Variants in SOX6 observed in about 807,000 individuals in gnomAD.
SOX6 encodes the protein SRY-box transcription factor 6.
A neutral mutation model predicts 97.8 loss-of-function variants in SOX6; 11 were observed. The ratio of observed to expected loss-of-function variants is 0.11; its 90% CI spans 0.07 to 0.19. The LOEUF (loss-of-function observed/expected upper bound fraction) is 0.19, where lower values mean the gene tolerates loss of function less well. Ranked by LOEUF, SOX6 falls within the 10% of genes least tolerant of loss-of-function variation. The pLI, the probability that SOX6 is intolerant of heterozygous loss-of-function variation, is 1.00. For synonymous variants in SOX6, 360 were observed against 371.4 expected (o/e 0.97, Z 0.35); for missense variants, 810 against 1,039.5 (o/e 0.78, Z 3.04).
chr11:16,442,495 T>A (rs1461266540), intron 1 of SOX6, among the ~76,000 whole-genome samples: 1 of 152,128 alleles, frequency 6.6e-6, no homozygotes, highest in Non-Finnish European at 1.5e-5. Flanking sequence ...TGACATGCAT[T>A]CACATATTTT....
chr11:16,368,881 A>T (rs1857428979), intron 1 of SOX6, among the ~76,000 whole-genome samples: 1 of 152,180 alleles, frequency 6.6e-6, no homozygotes, highest in Non-Finnish European at 1.5e-5. Context: ...ACAACTCAAC[A>T]ACATCAAAAA....
chr11:16,379,674 G>T (rs1466149050), intron 1 of SOX6, among the ~76,000 whole-genome samples: 1 of 151,994 alleles, frequency 6.6e-6, no homozygotes, highest in African/African-American at 2.4e-5. Flanking sequence ...CAACTTTCCT[G>T]GGGGGCATTT....
intron 1 of SOX6, among the ~76,000 whole-genome samples, chr11:16,368,625 A>C (rs934461799): frequency 6.6e-6 from 1 of 152,186 alleles, no homozygotes; most frequent in Non-Finnish European, 1.5e-5. Context: ...TGAATCAAAA[A>C]CAAAAGCTAA....
intron 6 of SOX6, among the ~76,000 whole-genome samples, chr11:16,166,081 G>A (rs1257947229): frequency 2.6e-5 from 4 of 151,988 alleles, no homozygotes; most frequent in Non-Finnish European, 5.9e-5. Context: ...TGAAACTGTA[G>A]TATAAATGTA....
At chr11:16,633,105 G>A (rs1848735885) in intron 3 of SOX6, among the ~76,000 whole-genome samples, 1 of 152,196 alleles carries the variant, frequency 6.6e-6, no homozygotes, top group African/African-American at 2.4e-5. Flanking sequence ...GCTGAACCAG[G>A]AGAACAGGTG....
At chr11:16,680,987 T>TA (rs982125433) in intron 3 of SOX6, among the ~76,000 whole-genome samples, 4 of 152,124 alleles carry the variant, frequency 2.6e-5, no homozygotes, top group African/African-American at 9.7e-5. Context: ...CAAACAGACT[T>TA]AGACTCCCAC....
intron 3 of SOX6, among the ~76,000 whole-genome samples, chr11:16,289,005 A>G (rs1310847984): frequency 6.6e-6 from 1 of 151,984 alleles, no homozygotes; most frequent in East Asian, 1.9e-4. Context: ...AGATAAAATA[A>G]TATAATGAAT....
At position 16,382,747 on chromosome 11, in the gene SOX6, A is replaced by G. The variant is rs1857862496; in HGVS notation, c.-4-41495T>C. Reference sequence around the variant, plus strand: ...CAATTTTAGGTGTTTTTGTGCTTAGATCTAAGAAATGGACCTAAAATGAAG... The same window carrying G: ...CAATTTTAGGTGTTTTTGTGCTTAGGTCTAAGAAATGGACCTAAAATGAAG... On this transcript the variant is annotated intron_variant, in intron 1 of 15. Coordinates refer to the SOX6 transcript ENST00000396356. 3.3e-5 allele frequency among the ~76,000 whole-genome samples: 5 copies of G among 151,860 alleles called. No homozygotes were observed. The South Asian group carries it at 1.0e-3, about 31-fold the overall frequency.
In SOX6 at chr11:16,214,653, T is replaced by G. The variant is rs189816375; in HGVS notation, c.535+19929A>C. On this transcript the variant is annotated intron_variant, in intron 4 of 15. Transcript: ENST00000683767. ...CCATATTCACATCCCCATTCATGAC[T>G]TTAGCCATACCTAAAGTATCTGTCT... is the stretch of plus-strand genomic sequence containing the variant. 3.3e-4 allele frequency among the ~76,000 whole-genome samples: 50 copies of G among 152,260 alleles called. 1 individual carries two copies. In the East Asian group the frequency reaches 9.1e-3, roughly 28 times the overall value.
chr11:16,690,582 C>T (rs892282439), intron 3 of SOX6, among the ~76,000 whole-genome samples: 1 of 152,128 alleles, frequency 6.6e-6, no homozygotes, highest in African/African-American at 2.4e-5. Flanking sequence ...CAAAATAGTA[C>T]CCCACTATAT....
At chr11:16,574,117 T>C (rs777258025) in intron 4 of SOX6, among the ~76,000 whole-genome samples, 16 of 152,166 alleles carry the variant, frequency 1.1e-4, no homozygotes, top group Non-Finnish European at 2.2e-4. Context: ...GGTTTTTTCA[T>C]GTGTGTGGAA....
intron 4 of SOX6, among the ~76,000 whole-genome samples, chr11:16,214,465 C>T (rs1404236439): frequency 1.3e-5 from 2 of 152,140 alleles, no homozygotes. Context: ...TTATCTAATG[C>T]ACAGGTGCTT....
rs34023402 is a variant in SOX6 at position 16,196,830 on chromosome 11, C to CT, written c.536-9876dup. Among the ~76,000 whole-genome samples the CT allele has an allele frequency of 6.3e-4, 40 of 63,482 alleles. 1 individual carries two copies. The highest frequency in any genetic ancestry group is 2.2e-3 in the African/African-American group (27 of 12,512). 41.6% of individuals were successfully genotyped at this position (63,482 alleles called of 152,430 possible). On this transcript the variant is annotated intron_variant, in intron 4 of 15. Transcript: ENST00000683767. ...GGTCCTCTGTCTTCTTCTTCTTCTT[C>CT]TTTTTTTTTTTTTTTTTTTTTGAGA...
chr11:16,696,246 T>C (rs1420421704), intron 3 of SOX6, among the ~76,000 whole-genome samples: 1 of 152,226 alleles, frequency 6.6e-6, no homozygotes, highest in African/African-American at 2.4e-5. Context: ...GATTTTCCTT[T>C]TCACTCTTAA....
intron 1 of SOX6, among the ~76,000 whole-genome samples, chr11:16,400,301 G>A (rs1858518247): frequency 6.6e-6 from 1 of 151,442 alleles, no homozygotes; most frequent in Non-Finnish European, 1.5e-5. Context: ...TTAGCAGGTT[G>A]CAATTTTAAA....
chr11:16,110,621 C>T (rs1232720549), intron 7 of SOX6, among the ~76,000 whole-genome samples: 1 of 152,118 alleles, frequency 6.6e-6, no homozygotes, highest in African/African-American at 2.4e-5. Flanking sequence ...CCCTTAAACT[C>T]ACCAATCTCA....
At chr11:15,998,685 G>A (rs1055490297) in intron 13 of SOX6, among the ~76,000 whole-genome samples, 3 of 152,110 alleles carry the variant, frequency 2.0e-5, no homozygotes, top group Non-Finnish European at 2.9e-5. Flanking sequence ...AGTGGAAAAC[G>A]ATAGTTTTTT....
intron 9 of SOX6, 134 bp downstream of exon 9, chr11:16,095,862 T>C: frequency 2.8e-6 from 3 of 1,069,228 alleles, no homozygotes; most frequent in South Asian, 1.4e-5. Context: ...TCCTTAGGAA[T>C]GAGAAAAAGG....
At position 15,970,701 on chromosome 11, in the gene SOX6, G is replaced by A. The variant is rs1853275972; in HGVS notation, c.*2108C>T. The A allele has an allele frequency of 6.6e-6, 1 of 152,634 alleles. No individual in the cohort carries two copies. The highest frequency in any genetic ancestry group is 1.9e-4 in the East Asian group (1 of 5,200). 9.5% of individuals were successfully genotyped at this position (152,634 alleles called of 1,614,324 possible). A position where few individuals can be genotyped will look rare whatever the true frequency, so the allele number is the denominator to read the frequency against. On this transcript the variant is annotated 3_prime_UTR_variant, in exon 16 of 16. Transcript: ENST00000683767. ...GAGAGCACTCCCAGCTAACAGAATA[G>A]CTTGTAATTTCTTGGCTAGACCTGT...
Sources: gnomAD v4.1 joint callset for allele counts (sites outside exome capture counted in the v4.1 genomes callset) on GRCh38, gnomAD v4.1.1 for gene constraint, MANE v1.5 for transcripts, NCBI Gene and HGNC (gene_info 2026-07-23, HGNC 2026-07-21) for gene names.